Variants in MOK observed in about 807,000 individuals in gnomAD.
MOK encodes the protein MOK protein kinase.
MOK carries 59 observed loss-of-function variants against 54.2 expected under a neutral mutation model. That is an observed-to-expected ratio of 1.09 (90% CI 0.88 to 1.35). The LOEUF (loss-of-function observed/expected upper bound fraction) is 1.35. Ranked by LOEUF, MOK falls within the 40% of genes most tolerant of loss-of-function variation. The probability of loss-of-function intolerance (pLI) is 0.00; values close to 1 mark genes in which losing one functional copy is unlikely to be tolerated. For missense variants in MOK, 517 were observed against 526.2 expected, an observed-to-expected ratio of 0.98 and a Z score of 0.17; for synonymous variants, 210 against 202.7, an observed-to-expected ratio of 1.04 and a Z score of -0.31.
chr14:102,279,175 A>T (rs1218579605), intron 2 of MOK, among the ~76,000 whole-genome samples: 1 of 152,170 alleles, frequency 6.6e-6, no homozygotes, highest in African/African-American at 2.4e-5. Flanking sequence ...GCCTCGGGGC[A>T]CAAAGGGAGA....
intron 4 of MOK, among the ~76,000 whole-genome samples, chr14:102,258,326 C>T (rs2067132518): frequency 6.6e-6 from 1 of 152,222 alleles, no homozygotes; most frequent in Admixed American, 6.5e-5. Flanking sequence ...TGGGCCTCTT[C>T]CCTCACGGTG....
intron 1 of MOK, among the ~76,000 whole-genome samples, chr14:102,289,552 T>G (rs2070521074): frequency 6.6e-6 from 1 of 152,134 alleles, no homozygotes; most frequent in African/African-American, 2.4e-5. Flanking sequence ...GTTGCCCAAG[T>G]GATCTCGGCT....
intron 1 of MOK, among the ~76,000 whole-genome samples, chr14:102,294,272 C>T (rs1350306830): frequency 3.9e-5 from 6 of 152,034 alleles, no homozygotes; most frequent in Non-Finnish European, 8.8e-5. Flanking sequence ...TGGTGAAACC[C>T]CGTCTCTACT....
chr14:102,254,054 C>T (rs1304973201), intron 4 of MOK, among the ~76,000 whole-genome samples: 2 of 151,752 alleles, frequency 1.3e-5, no homozygotes, highest in African/African-American at 2.4e-5. Context: ...GTACGATCTC[C>T]GCCCACTGCA....
downstream of MOK, among the ~76,000 whole-genome samples, chr14:102,227,324 G>A (rs1418805225): frequency 1.3e-5 from 2 of 150,604 alleles, no homozygotes; most frequent in Non-Finnish European, 1.5e-5. Flanking sequence ...TGTGACCTGC[G>A]CGCCGCCCCC....
rs556874279 is a variant in MOK, at chr14:102,292,995, G to C, written c.8-9403C>G. Among the ~76,000 whole-genome samples the C allele has an allele frequency of 2.0e-5, 3 of 152,180 alleles. No homozygotes were observed. The East Asian group carries it at 5.8e-4, about 29-fold the overall frequency. On this transcript the variant is annotated intron_variant, in intron 1 of 11. Coordinates refer to ENST00000361847, the MANE Select transcript of MOK (RefSeq NM_014226.3). ...CTAAAAATACAAAAATTCGCCAGGA[G>C]GGTGGCGCACACCTGCAATCCCAGC...
chr14:102,280,192 C>T (rs76673178), intron 2 of MOK, among the ~76,000 whole-genome samples: 1 of 151,866 alleles, frequency 6.6e-6, no homozygotes, highest in African/African-American at 2.4e-5. Flanking sequence ...CCTGGTCCAG[C>T]GGAATTTCGG....
chr14:102,239,796 G>A (rs1471891315), intron 7 of MOK, among the ~76,000 whole-genome samples: 1 of 152,160 alleles, frequency 6.6e-6, no homozygotes, highest in Non-Finnish European at 1.5e-5. Flanking sequence ...TTGAACCTGG[G>A]AGGCAAAGGT....
chr14:102,234,475 C>G (rs989661409), intron 7 of MOK, among the ~76,000 whole-genome samples: 1 of 152,146 alleles, frequency 6.6e-6, no homozygotes, highest in Non-Finnish European at 1.5e-5. Context: ...AGGGCTTCCT[C>G]CAGCCTCCAG....
In MOK at chr14:102,232,514, C is replaced by G. The variant is rs199706092; in HGVS notation, c.866+21G>C. On this transcript the variant is annotated intron_variant, in intron 9 of 11. Coordinates refer to ENST00000361847, the MANE Select transcript of MOK (RefSeq NM_014226.3). This position sits in a 1 kb window ranked among gnomAD's most constrained non-coding sequence, Gnocchi z 5.1. ...TTGCCAGGTCCTGCATCTGCCCCAC[C>G]GAACCCACGAGAGTGCCTACCTCTG... 11 of 1,603,664 alleles carry G rather than the reference C, an allele frequency of 6.9e-6. No individual in the cohort carries two copies. Among genetic ancestry groups the G allele is most frequent in the Non-Finnish European group, 8.5e-6 (10 of 1,172,864 alleles).
chr14:102,299,061 G>A (rs1214886298), intron 1 of MOK, among the ~76,000 whole-genome samples: 2 of 152,160 alleles, frequency 1.3e-5, no homozygotes, highest in African/African-American at 2.4e-5. Context: ...AACACTCACC[G>A]TGAGGGTCTG....
chr14:102,215,006 T>C, the MOK span: 2 of 983,674 alleles, frequency 2.0e-6, no homozygotes, highest in Non-Finnish European at 2.4e-6. Context: ...GAACTGTAAA[T>C]GTAGATAATT....
At chr14:102,295,846 A>T (rs920827804) in intron 1 of MOK, among the ~76,000 whole-genome samples, 5 of 152,228 alleles carry the variant, frequency 3.3e-5, no homozygotes, top group African/African-American at 7.2e-5. Flanking sequence ...TCAAAGATCT[A>T]TGTTCTGGAC....
At chr14:102,273,004 T>C (rs1346326400) in intron 2 of MOK, among the ~76,000 whole-genome samples, 4 of 152,074 alleles carry the variant, frequency 2.6e-5, no homozygotes, top group African/African-American at 7.2e-5. Context: ...ACCCTGTCTC[T>C]ACTTAAAATA....
At chr14:102,298,184 TCTAA>T (rs1457114670) in intron 1 of MOK, among the ~76,000 whole-genome samples, 1 of 152,252 alleles carries the variant, frequency 6.6e-6, no homozygotes, top group Non-Finnish European at 1.5e-5. Flanking sequence ...AACCTTTATG[TCTAA>T]CTAAGGGATT....
At chr14:102,223,056 C>A, downstream of MOK, 1 of 639,652 alleles carries the variant, frequency 1.6e-6, no homozygotes, top group Non-Finnish European at 2.6e-6. Context: ...TCCCGCTGCT[C>A]ACCCAAAGAA....
At chr14:102,215,110 T>C in the MOK span, 1 of 557,554 alleles carries the variant, frequency 1.8e-6, no homozygotes, top group Non-Finnish European at 2.3e-6. Context: ...ACCTTGTTAA[T>C]GTTTATAGAA....
chr14:102,243,578 T>G (rs1198776513), intron 7 of MOK, among the ~76,000 whole-genome samples: 1 of 152,202 alleles, frequency 6.6e-6, no homozygotes, highest in African/African-American at 2.4e-5. Flanking sequence ...TCTATTTTCT[T>G]CCTCACACCT....
intron 4 of MOK, among the ~76,000 whole-genome samples, chr14:102,254,131 C>A (rs1644103965): frequency 6.6e-6 from 1 of 152,044 alleles, no homozygotes; most frequent in Admixed American, 6.6e-5. Flanking sequence ...ATTACAGGCA[C>A]CCGCCACCAC....
Sources: allele counts gnomAD v4.1 joint callset (sites outside exome capture counted in the v4.1 genomes callset), GRCh38; gene constraint gnomAD v4.1.1; non-coding constraint Gnocchi (gnomAD v3.1); transcripts MANE v1.5; gene names NCBI Gene and HGNC (gene_info 2026-07-23, HGNC 2026-07-21).